The following CLHC1 variants were observed in gnomAD, a reference collection of about 807,000 sequenced individuals.
CLHC1 encodes clathrin heavy chain linker domain-containing protein 1.
Under a neutral mutation model 69.5 loss-of-function variants are expected in CLHC1, and 72 were observed. The ratio of observed to expected loss-of-function variants is 1.04; its 90% CI spans 0.86 to 1.26. The LOEUF (loss-of-function observed/expected upper bound fraction) is 1.26, where lower values mean the gene tolerates loss of function less well. CLHC1 is among the 50% of genes most tolerant of loss of function. The pLI is 0.00. For synonymous variants in CLHC1, 223 were observed against 224.3 expected, an observed-to-expected ratio of 0.99 and a Z score of 0.05; for missense variants, 790 against 679.3, an observed-to-expected ratio of 1.16 and a Z score of -1.81.
At chr2:55,224,351 C>G in intron 2 of CLHC1, 2 of 452,588 alleles carry the variant, frequency 4.4e-6, no homozygotes, top group South Asian at 1.7e-5. Flanking sequence ...ACAGCTCCCT[C>G]CTGCTACTTG....
At chr2:55,217,165 A>C (rs896133314) in intron 4 of CLHC1, among the ~76,000 whole-genome samples, 5 of 152,024 alleles carry the variant, frequency 3.3e-5, no homozygotes, top group African/African-American at 1.2e-4. Flanking sequence ...ACTGTACTCC[A>C]GCCTGGGCAA....
Position 55,172,770 on chromosome 2 carries a change from C to T in CLHC1, c.*3020G>A, listed in dbSNP as rs2105128463. On this transcript the variant is annotated 3_prime_UTR_variant, in exon 13 of 13. Coordinates refer to ENST00000401408, the MANE Select transcript of CLHC1 (RefSeq NM_152385.4). ...TATGCTTTAGCAATCCAACAGAATT[C>T]CAGGCACCTAAAAAGTAACAGGTTT... 6.6e-6 allele frequency among the ~76,000 whole-genome samples: 1 copy of T among 150,610 alleles called. No individual in the cohort carries two copies. Among genetic ancestry groups the T allele is most frequent in the Admixed American group, 6.6e-5 (1 of 15,128 alleles).
intron 11 of CLHC1, 148 bp from the exon 12 acceptor site, chr2:55,177,929 C>T (rs760979549): frequency 5.9e-6 from 3 of 508,742 alleles, no homozygotes; most frequent in Admixed American, 3.7e-5. Flanking sequence ...CTAAACTCAA[C>T]GGTACTATCC....
At chr2:55,191,255 T>G (rs1670896888) in intron 9 of CLHC1, among the ~76,000 whole-genome samples, 1 of 152,188 alleles carries the variant, frequency 6.6e-6, no homozygotes. Flanking sequence ...ATACATATGT[T>G]TTTGCAGACG....
intron 12 of CLHC1, among the ~76,000 whole-genome samples, chr2:55,177,257 A>T (rs1669478737): frequency 6.6e-6 from 1 of 152,228 alleles, no homozygotes; most frequent in African/African-American, 2.4e-5. Context: ...TTTAGGAATT[A>T]AAACATATAG....
chr2:55,217,341 C>A lies in CLHC1; in HGVS notation c.365+470G>T, dbSNP rs553557461. 1.1e-3 allele frequency among the ~76,000 whole-genome samples: 164 copies of A among 149,960 alleles called. 2 individuals carry two copies. In the Middle Eastern group the frequency reaches 0.017, roughly 16 times the overall value. ...GACCAGCCTGGGCAACATAGTGAGACCCCATCTCTATTTTTAATATTAAAA... is the reference window on the plus strand; with the variant it reads ...GACCAGCCTGGGCAACATAGTGAGAACCCATCTCTATTTTTAATATTAAAA... On this transcript the variant is annotated intron_variant, in intron 4 of 12. Transcript: ENST00000401408.
chr2:55,212,897 A>G (rs913809235), intron 4 of CLHC1, 91 bp from the exon 5 acceptor site: 2 of 988,492 alleles, frequency 2.0e-6, no homozygotes. Flanking sequence ...TCATTACTTT[A>G]TTTTGAACCA....
At position 55,175,886 on chromosome 2, in the gene CLHC1, A is replaced by T; in HGVS notation, c.1665T>A (p.Ser555=). The T allele has an allele frequency of 6.2e-7, 1 of 1,613,990 alleles. No individual in the cohort carries two copies. Among genetic ancestry groups the T allele is most frequent in the Non-Finnish European group, 8.5e-7 (1 of 1,179,858 alleles). The part of the protein sequence containing the change: ...ICSQNGFDKL[S]NDITSILRSQ... ...ATCGAAGAATAGACGTGATGTCATTAGATAATTTGTCAAAGCCATTCTGTG... is the reference window on the plus strand; with the variant it reads ...ATCGAAGAATAGACGTGATGTCATTTGATAATTTGTCAAAGCCATTCTGTG... The change falls in exon 13 of 13, where the codon TCT becomes TCA. Residue 555 remains serine (S), a synonymous_variant. Coordinates refer to ENST00000401408, the MANE Select transcript of CLHC1 (RefSeq NM_152385.4).
rs1362466379 is a variant in CLHC1, at chr2:55,190,777, G to T, written c.1007-9033C>A. ...ATAACTGACATCCCTGAATCGGTGA[G>T]TGGGGAGAAGGGAGGCTGGGGCAGA... On this transcript the variant is annotated intron_variant, in intron 9 of 12. Transcript: ENST00000401408. Among the ~76,000 whole-genome samples, 7 of 152,188 alleles carry T rather than the reference G, an allele frequency of 4.6e-5. 1 individual carries two copies. Among genetic ancestry groups the T allele is most frequent in the African/African-American group, 7.2e-5 (3 of 41,436 alleles).
At chr2:55,220,913 C>T (rs1477763484) in intron 3 of CLHC1, among the ~76,000 whole-genome samples, 2 of 152,074 alleles carry the variant, frequency 1.3e-5, no homozygotes, top group Non-Finnish European at 2.9e-5. Flanking sequence ...TGAAGCTAAC[C>T]TGCCAATGTA....
At chr2:55,222,018 A>G (rs1031371562) in intron 3 of CLHC1, among the ~76,000 whole-genome samples, 7 of 152,230 alleles carry the variant, frequency 4.6e-5, no homozygotes, top group Non-Finnish European at 1.0e-4. Flanking sequence ...CTCTCAAGCT[A>G]AAATAACTGA....
chr2:55,219,371 A>G (rs1673896012), intron 3 of CLHC1, among the ~76,000 whole-genome samples: 1 of 152,246 alleles, frequency 6.6e-6, no homozygotes, highest in Non-Finnish European at 1.5e-5. Context: ...AAACTGGCAT[A>G]TCACAGGTTG....
intron 9 of CLHC1, among the ~76,000 whole-genome samples, chr2:55,193,861 G>A (rs535043124): frequency 6.6e-6 from 1 of 152,216 alleles, no homozygotes; most frequent in Admixed American, 6.5e-5. Context: ...GCCAAAAAGT[G>A]GGAAAAGCCC....
intron 9 of CLHC1, among the ~76,000 whole-genome samples, chr2:55,184,492 A>G (rs1425089994): frequency 6.6e-6 from 1 of 152,224 alleles, no homozygotes; most frequent in Non-Finnish European, 1.5e-5. Flanking sequence ...TATAGTAAAG[A>G]TAACATTGAA....
intron 7 of CLHC1, 54 bp downstream of exon 7, chr2:55,209,350 G>T: frequency 1.8e-6 from 2 of 1,093,430 alleles, no homozygotes; most frequent in Non-Finnish European, 2.7e-6. Flanking sequence ...TAACTAGCTA[G>T]CGAAAAAAAT....
At chr2:55,191,899 G>C (rs998839546) in intron 9 of CLHC1, among the ~76,000 whole-genome samples, 2 of 152,110 alleles carry the variant, frequency 1.3e-5, no homozygotes, top group Non-Finnish European at 2.9e-5. Flanking sequence ...TTACTCTAGA[G>C]GCTGAGGAAG....
At chr2:55,179,489 G>C (rs369063555) in intron 11 of CLHC1, among the ~76,000 whole-genome samples, 13 of 152,028 alleles carry the variant, frequency 8.6e-5, no homozygotes, top group African/African-American at 2.2e-4. Context: ...CTAAGAAAAA[G>C]TCAATTAATT....
In CLHC1 at chr2:55,223,501, C is replaced by T. The variant is rs537866423; in HGVS notation, c.-82-1008G>A. ...CCTCCCGCTCGCCGGGACTGAGTTCCGCGCCGGCGTGGCCTGCTGTGCTCC... is the reference window on the plus strand; with the variant it reads ...CCTCCCGCTCGCCGGGACTGAGTTCTGCGCCGGCGTGGCCTGCTGTGCTCC... On this transcript the variant is annotated intron_variant, in intron 2 of 12. Coordinates refer to ENST00000401408, the MANE Select transcript of CLHC1 (RefSeq NM_152385.4). Among the ~76,000 whole-genome samples the T allele has an allele frequency of 2.0e-5, 3 of 152,236 alleles. No homozygotes were observed. The South Asian group carries it at 6.2e-4, about 32-fold the overall frequency.
At chr2:55,191,950 A>C (rs1364390438) in intron 9 of CLHC1, among the ~76,000 whole-genome samples, 1 of 152,074 alleles carries the variant, frequency 6.6e-6, no homozygotes, top group Non-Finnish European at 1.5e-5. Context: ...GTAATGCACT[A>C]AGATTGTTCC....
Sources: gnomAD v4.1 joint callset for allele counts (sites outside exome capture counted in the v4.1 genomes callset) on GRCh38, gnomAD v4.1.1 for gene constraint, MANE v1.5 for transcripts, NCBI Gene and HGNC (gene_info 2026-07-23, HGNC 2026-07-21) for gene names.